Variants in SLC14A1 observed in about 807,000 individuals in gnomAD.
SLC14A1 encodes solute carrier family 14 member 1 (Kidd blood group), also known as urea transporter 1.
A neutral mutation model predicts 39.6 loss-of-function variants in SLC14A1; 36 were observed. That is an observed-to-expected ratio of 0.91 (90% CI 0.70 to 1.20). The LOEUF (loss-of-function observed/expected upper bound fraction) is 1.20. Ranked by LOEUF, SLC14A1 falls within the 50% of genes most tolerant of loss-of-function variation. SLC14A1 has a pLI of 0.00. For missense variants in SLC14A1, 469 were observed against 478.7 expected (o/e 0.98, Z 0.19); for synonymous variants, 164 against 173.6 (o/e 0.94, Z 0.43).
intron 5 of SLC14A1, 106 bp downstream of exon 5, chr18:45,734,508 T>A (rs8096571): frequency 0.48 from 593,541 of 1,234,204 alleles, 145,139 homozygotes; most frequent in East Asian, 0.54. Context: ...CAAGATGAAA[T>A]ATGTTCTCTG....
At chr18:45,727,110 T>C (rs553584755) in intron 2 of SLC14A1, 1 of 666,890 alleles carries the variant, frequency 1.5e-6, no homozygotes, top group East Asian at 2.8e-5. Flanking sequence ...TCCTTCTTCA[T>C]TAGCGGTCTC....
chr18:45,731,244 G>A (rs770987026), intron 4 of SLC14A1, 40 bp downstream of exon 4: 1 of 1,592,670 alleles, frequency 6.3e-7, no homozygotes, highest in Non-Finnish European at 8.6e-7. Flanking sequence ...TCCCTTCTGA[G>A]ACACAGGGGC....
At chr18:45,745,209 T>G (rs1412660484) in intron 8 of SLC14A1, among the ~76,000 whole-genome samples, 1 of 152,212 alleles carries the variant, frequency 6.6e-6, no homozygotes, top group Admixed American at 6.5e-5. Context: ...GCCACTGCAC[T>G]CCAGCCTGGG....
chr18:45,751,615 A>C lies in SLC14A1; in HGVS notation c.*1664A>C, dbSNP rs2047712800. 1 of 636,870 alleles carries C rather than the reference A, an allele frequency of 1.6e-6. No homozygotes were observed. Among genetic ancestry groups the C allele is most frequent in the African/African-American group, 2.0e-5 (1 of 50,048 alleles). The allele number at this position is 636,870 out of a possible 1,614,324, so 39.5% of individuals were successfully genotyped here. On this transcript the variant is annotated 3_prime_UTR_variant, in exon 10 of 10. Transcript: ENST00000321925. ...CAACATAGCAAGACTCCATCTCTTA[A>C]AAAATAAAAATAGTAACATTAGCCA...
intron 6 of SLC14A1, among the ~76,000 whole-genome samples, chr18:45,738,262 T>C (rs1023482783): frequency 2.0e-5 from 3 of 152,192 alleles, no homozygotes; most frequent in East Asian, 1.9e-4. Flanking sequence ...ATACACGACC[T>C]AGCAATGGTG....
rs75587592 is a variant in SLC14A1 at position 45,734,697 on chromosome 18, G to A, written c.470+295G>A. On this transcript the variant is annotated intron_variant, in intron 5 of 9. Coordinates refer to ENST00000321925, the MANE Select transcript of SLC14A1 (RefSeq NM_015865.7). ...AGGGGCTGCAGTGAGCTATGATTGC[G>A]TCACCGCACTCCAGTTCTCCGAACC... Among the ~76,000 whole-genome samples, 151 of 152,172 alleles carry A rather than the reference G, an allele frequency of 9.9e-4. No individual in the cohort carries two copies. The East Asian group carries it at 0.012, about 12-fold the overall frequency.
rs1172775034 is a variant in SLC14A1 at position 45,731,153 on chromosome 18, G to A, written c.290G>A (p.Trp97Ter). 5 of 1,614,148 alleles carry A rather than the reference G, an allele frequency of 3.1e-6. No homozygotes were observed. Among genetic ancestry groups the A allele is most frequent in the Non-Finnish European group, 8.5e-7 (1 of 1,180,006 alleles). Residue 97 changes from tryptophan (W) to a stop codon, truncating the protein, a stop_gained, in exon 4 of 10, where the codon TGG becomes TAG. Transcript: ENST00000321925. LOFTEE classifies it high-confidence loss of function. The stretch of plus-strand genomic sequence containing the variant: ...AACCCCTGGTGGGCTCTCACTGGCT[G>A]GCTGGGAACAGTGGTCTCCACTCTG... ...VQNPWWALTG[W>*]LGTVVSTLMA...
chr18:45,737,371 TCTTC>T (rs1324209641), intron 6 of SLC14A1: 1 of 152,520 alleles, frequency 6.6e-6, no homozygotes, highest in Non-Finnish European at 1.5e-5. Flanking sequence ...AAATTCCAGC[TCTTC>T]CTGTTGGTGT....
At chr18:45,729,105 C>A (rs1182308061) in intron 2 of SLC14A1, 2 of 152,178 alleles carry the variant, frequency 1.3e-5, no homozygotes, top group African/African-American at 4.8e-5. Context: ...AGCCTGGCAA[C>A]ACAGAGAAGA....
At chr18:45,730,588 C>A in intron 3 of SLC14A1, 117 bp downstream of exon 3, 1 of 1,160,050 alleles carries the variant, frequency 8.6e-7, no homozygotes, top group Non-Finnish European at 1.3e-6. Context: ...GATCTCTTTA[C>A]TCACCATTTT....
chr18:45,735,842 A>G (rs182441407), intron 5 of SLC14A1, among the ~76,000 whole-genome samples: 23 of 152,326 alleles, frequency 1.5e-4, no homozygotes, highest in Non-Finnish European at 2.8e-4. Context: ...GTGAGAGCCT[A>G]TGAGGGACCT....
At position 45,751,489 on chromosome 18, in the gene SLC14A1, A is replaced by G; in HGVS notation, c.*1538A>G. 1 of 985,344 alleles carries G rather than the reference A, an allele frequency of 1.0e-6. No individual in the cohort carries two copies. Among genetic ancestry groups the G allele is most frequent in the Non-Finnish European group, 1.2e-6 (1 of 829,918 alleles). 61.0% of individuals were successfully genotyped at this position (985,344 alleles called of 1,614,324 possible). A position where few individuals can be genotyped will look rare whatever the true frequency, so the allele number is the denominator to read the frequency against. ...AACCAAACATACTGAAGACAGCAACAGAAGTCACGTTCAGGGACTGGCTCA... is the reference window on the plus strand; with the variant it reads ...AACCAAACATACTGAAGACAGCAACGGAAGTCACGTTCAGGGACTGGCTCA... On this transcript the variant is annotated 3_prime_UTR_variant, in exon 10 of 10. Transcript: ENST00000321925.
intron 8 of SLC14A1, among the ~76,000 whole-genome samples, chr18:45,742,770 C>G (rs767924059): frequency 2.7e-5 from 4 of 148,888 alleles, no homozygotes; most frequent in African/African-American, 1.0e-4. Flanking sequence ...CTCTGCCTCC[C>G]GGGTCCCGGT....
rs778172038 is a variant in SLC14A1 at position 45,736,546 on chromosome 18, C to A, written c.561C>A (p.Tyr187Ter). The change falls in exon 6 of 10, where the codon TAC (tyrosine) becomes TAA (stop). Residue 187 changes from tyrosine (Y) to a stop codon, truncating the protein, a stop_gained. Coordinates refer to ENST00000321925, the MANE Select transcript of SLC14A1 (RefSeq NM_015865.7). LOFTEE classifies it high-confidence loss of function. The part of the protein sequence containing the change: ...TLPFNMALSM[Y>*]LSATGHYNPF... The stretch of plus-strand genomic sequence containing the variant: ...CTTTCAACATGGCGTTGTCAATGTA[C>A]CTTTCAGCCACAGGACATTACAATC... 1 of 1,614,148 alleles carries A rather than the reference C, an allele frequency of 6.2e-7. No homozygotes were observed. The highest frequency in any genetic ancestry group is 1.3e-5 in the African/African-American group (1 of 75,056).
chr18:45,751,400 A>G lies in SLC14A1; in HGVS notation c.*1449A>G. On this transcript the variant is annotated 3_prime_UTR_variant, in exon 10 of 10. Coordinates refer to ENST00000321925, the MANE Select transcript of SLC14A1 (RefSeq NM_015865.7). ...AAAACAAAACAAAACAAAACAAAAC[A>G]GGTAAGGATTCCCCTGTTTTCCTCT... 1 of 984,400 alleles carries G rather than the reference A, an allele frequency of 1.0e-6. No individual in the cohort carries two copies. Among genetic ancestry groups the G allele is most frequent in the Non-Finnish European group, 1.2e-6 (1 of 829,596 alleles). 61.0% of individuals were successfully genotyped at this position (984,400 alleles called of 1,614,324 possible). A position where few individuals can be genotyped will look rare whatever the true frequency, so the allele number is the denominator to read the frequency against.
chr18:45,733,019 C>T (rs2047079327), intron 4 of SLC14A1, among the ~76,000 whole-genome samples: 1 of 152,206 alleles, frequency 6.6e-6, no homozygotes, highest in Non-Finnish European at 1.5e-5. Context: ...TCAAATACCA[C>T]ACGTTTTCAC....
At chr18:45,749,300 C>G (rs1021846741) in intron 9 of SLC14A1, among the ~76,000 whole-genome samples, 4 of 152,010 alleles carry the variant, frequency 2.6e-5, no homozygotes, top group Admixed American at 2.6e-4. Flanking sequence ...CAAAGAGGAC[C>G]TACCCTCAAG....
intron 8 of SLC14A1, among the ~76,000 whole-genome samples, chr18:45,742,611 G>C (rs1303285003): frequency 6.6e-6 from 1 of 151,556 alleles, no homozygotes; most frequent in Non-Finnish European, 1.5e-5. Flanking sequence ...GTCCACCCCG[G>C]CCTCCCAAAG....
At chr18:45,725,692 A>T (rs2046846128) in intron 2 of SLC14A1, among the ~76,000 whole-genome samples, 1 of 152,198 alleles carries the variant, frequency 6.6e-6, no homozygotes, top group South Asian at 2.1e-4. Flanking sequence ...CCAAGACTGA[A>T]AAATTAAGAA....
Sources: allele counts gnomAD v4.1 joint callset (sites outside exome capture counted in the v4.1 genomes callset), GRCh38; gene constraint gnomAD v4.1.1; transcripts MANE v1.5; gene names NCBI Gene and HGNC (gene_info 2026-07-23, HGNC 2026-07-21).